FRMD6: variants seen among roughly 807,000 people sequenced by gnomAD.
FRMD6 encodes FERM domain containing 6.
FRMD6 carries 37 observed loss-of-function variants against 73.2 expected under a neutral mutation model. The observed-to-expected ratio is 0.51, with a 90% CI of 0.39 to 0.66. FRMD6 has a LOEUF of 0.66. Ranked by LOEUF, FRMD6 falls within the 30% of genes least tolerant of loss-of-function variation. The pLI, the probability that FRMD6 is intolerant of heterozygous loss-of-function variation, is 0.00. For missense variants in FRMD6, 714 were observed against 780.5 expected (o/e 0.91, Z 1.02); for synonymous variants, 273 against 282.2 (o/e 0.97, Z 0.33).
chr14:51,424,505 C>T, the FRMD6 span, among the ~76,000 whole-genome samples: 9 of 151,830 alleles, frequency 5.9e-5, no homozygotes, highest in South Asian at 2.1e-4. Context: ...TGAATCAGGA[C>T]GCTTCCGCTG....
chr14:51,447,061 C>T, the FRMD6 span, among the ~76,000 whole-genome samples: 7 of 152,210 alleles, frequency 4.6e-5, no homozygotes, highest in Non-Finnish European at 8.8e-5. Flanking sequence ...TACTCTGTCC[C>T]GATATGAGTG....
At chr14:51,400,872 A>G in the FRMD6 span, among the ~76,000 whole-genome samples, 1 of 152,218 alleles carries the variant, frequency 6.6e-6, no homozygotes, top group African/African-American at 2.4e-5. Context: ...CTACACAGTA[A>G]TTTATTTAGC....
intron 10 of FRMD6, among the ~76,000 whole-genome samples, chr14:51,716,552 G>GT (rs1178834852): frequency 6.6e-6 from 1 of 152,164 alleles, no homozygotes; most frequent in Non-Finnish European, 1.5e-5. Flanking sequence ...AAAAGACCTT[G>GT]TAGAGGTTTG....
chr14:51,506,879 AG>A (rs1883993983), intron 1 of FRMD6, among the ~76,000 whole-genome samples: 2 of 152,204 alleles, frequency 1.3e-5, no homozygotes, highest in Admixed American at 1.3e-4. Flanking sequence ...TTAACATGGA[AG>A]GATAATATTT....
chr14:51,490,069 A>G (rs542111636), intron 1 of FRMD6, among the ~76,000 whole-genome samples: 98 of 152,328 alleles, frequency 6.4e-4, no homozygotes, highest in Non-Finnish European at 1.1e-3. Flanking sequence ...TAGACAAGAA[A>G]CTGTACAATG....
intron 1 of FRMD6, among the ~76,000 whole-genome samples, chr14:51,684,786 A>G (rs1566562455): frequency 6.6e-6 from 1 of 152,210 alleles, no homozygotes; most frequent in Non-Finnish European, 1.5e-5. Context: ...ACCCTTCAGT[A>G]GAATCTTCAT....
At chr14:51,492,949 C>T (rs1162041258) in intron 1 of FRMD6, among the ~76,000 whole-genome samples, 1 of 152,176 alleles carries the variant, frequency 6.6e-6, no homozygotes, top group Non-Finnish European at 1.5e-5. Flanking sequence ...CAAACTCCTT[C>T]CCAGTGGACA....
At chr14:51,415,423 G>T in the FRMD6 span, among the ~76,000 whole-genome samples, 1 of 152,104 alleles carries the variant, frequency 6.6e-6, no homozygotes, top group Non-Finnish European at 1.5e-5. Flanking sequence ...TGTGGTTTTT[G>T]TCGCTGGTTC....
At chr14:51,614,238 G>A (rs149422451) in intron 2 of FRMD6, among the ~76,000 whole-genome samples, 1 of 151,060 alleles carries the variant, frequency 6.6e-6, no homozygotes, top group Non-Finnish European at 1.5e-5. Flanking sequence ...TGTTTTTTTT[G>A]CCTGATTCTA....
intron 2 of FRMD6, chr14:51,575,929 G>C (rs374895503): frequency 1.3e-4 from 20 of 152,228 alleles, no homozygotes; most frequent in African/African-American, 4.8e-4. Flanking sequence ...TGAGAAAGTA[G>C]GTGGAGACCC....
chr14:51,422,041 C>T, the FRMD6 span, among the ~76,000 whole-genome samples: 5 of 152,230 alleles, frequency 3.3e-5, no homozygotes, highest in African/African-American at 1.2e-4. Context: ...CTAAGGTTCC[C>T]TGAGGCTCAC....
chr14:51,418,899 C>A, the FRMD6 span, among the ~76,000 whole-genome samples: 52 of 152,356 alleles, frequency 3.4e-4, no homozygotes, highest in South Asian at 0.011. Flanking sequence ...ATGCCCCTCC[C>A]CCTGCCAGGC....
At chr14:51,500,251 G>A (rs551886403) in intron 1 of FRMD6, among the ~76,000 whole-genome samples, 6 of 152,234 alleles carry the variant, frequency 3.9e-5, no homozygotes, top group African/African-American at 1.4e-4. Context: ...TATGTAGGCC[G>A]GGCGTGGTGG....
intron 1 of FRMD6, among the ~76,000 whole-genome samples, chr14:51,538,542 G>T (rs1886030274): frequency 6.6e-6 from 1 of 151,908 alleles, no homozygotes; most frequent in Non-Finnish European, 1.5e-5. Context: ...CTTGTATTTA[G>T]GTCAATTATA....
intron 9 of FRMD6, chr14:51,714,774 A>C (rs1200729911): frequency 6.6e-6 from 1 of 152,070 alleles, no homozygotes; most frequent in Non-Finnish European, 1.5e-5. Flanking sequence ...TTTATCATAA[A>C]CTTATTATTT....
chr14:51,521,706 G>T (rs1209301785), intron 1 of FRMD6, among the ~76,000 whole-genome samples: 1 of 148,954 alleles, frequency 6.7e-6, no homozygotes, highest in African/African-American at 2.5e-5. Flanking sequence ...ACCAAAAGAA[G>T]AAGAAAGGCA....
intron 1 of FRMD6, among the ~76,000 whole-genome samples, chr14:51,525,930 A>G (rs978581884): frequency 2.0e-5 from 3 of 152,202 alleles, no homozygotes; most frequent in African/African-American, 7.2e-5. Context: ...CAAGTGCAAG[A>G]TGTTAAAACC....
At chr14:51,427,369 A>C in the FRMD6 span, among the ~76,000 whole-genome samples, 1 of 152,258 alleles carries the variant, frequency 6.6e-6, no homozygotes, top group Non-Finnish European at 1.5e-5. Context: ...TGGGTCCAAA[A>C]GAAAGAGGTA....
intron 1 of FRMD6, among the ~76,000 whole-genome samples, chr14:51,529,477 A>G (rs79878237): frequency 0.022 from 3,361 of 152,330 alleles, 58 homozygotes; most frequent in Middle Eastern, 0.041. Flanking sequence ...ACACAGAGAG[A>G]GAGAGAGCGA....
Sources: gnomAD v4.1 joint callset for allele counts (sites outside exome capture counted in the v4.1 genomes callset) on GRCh38, gnomAD v4.1.1 for gene constraint, MANE v1.5 for transcripts, NCBI Gene and HGNC (gene_info 2026-07-23, HGNC 2026-07-21) for gene names.